PRUNE2: variants seen among roughly 807,000 people sequenced by gnomAD.
The protein encoded by PRUNE2 is prune homolog 2 with BCH domain.
PRUNE2 carries 164 observed loss-of-function variants against 252.0 expected under a neutral mutation model. The ratio of observed to expected loss-of-function variants is 0.65; its 90% CI spans 0.57 to 0.74. PRUNE2 has a LOEUF of 0.74. PRUNE2 is among the 30% of genes least tolerant of loss of function. The pLI is 0.00. For missense variants in PRUNE2, 3,495 were observed against 3,711.0 expected (o/e 0.94, Z 1.51); for synonymous variants, 1,292 against 1,350.2 (o/e 0.96, Z 0.94).
intron 9 of PRUNE2, among the ~76,000 whole-genome samples, chr9:76,693,666 A>T (rs1378195883): frequency 2.0e-5 from 3 of 151,064 alleles, no homozygotes; most frequent in Non-Finnish European, 3.0e-5. Flanking sequence ...CTGGTCTTGA[A>T]CTCCTGACCT....
At chr9:76,871,427 T>C (rs1288060098) in intron 1 of PRUNE2, among the ~76,000 whole-genome samples, 1 of 152,328 alleles carries the variant, frequency 6.6e-6, no homozygotes, top group East Asian at 1.9e-4. Context: ...GATTTTGGTA[T>C]CCAGGGAGGG....
intron 9 of PRUNE2, chr9:76,692,460 TC>T: frequency 3.6e-6 from 1 of 278,864 alleles, no homozygotes; most frequent in Non-Finnish European, 6.6e-6. Flanking sequence ...TCTTGAAACC[TC>T]TTTTTAAAAA....
chr9:76,639,713 T>C (rs186533596), intron 12 of PRUNE2, among the ~76,000 whole-genome samples: 25 of 152,292 alleles, frequency 1.6e-4, no homozygotes. Context: ...TCTGTACTTT[T>C]GGGAAAACTT....
chr9:76,899,636 G>A (rs7043977), intron 1 of PRUNE2, among the ~76,000 whole-genome samples: 4 of 151,984 alleles, frequency 2.6e-5, no homozygotes, highest in Admixed American at 1.3e-4. Flanking sequence ...CACCAGAACC[G>A]GGAGATACAA....
intron 6 of PRUNE2, among the ~76,000 whole-genome samples, chr9:76,814,520 T>C (rs2057556155): frequency 6.6e-6 from 1 of 152,172 alleles, no homozygotes; most frequent in South Asian, 2.1e-4. Context: ...CTATGAGAGA[T>C]AATGATATGT....
chr9:76,715,939 G>A (rs2047111653), intron 6 of PRUNE2, among the ~76,000 whole-genome samples: 2 of 152,024 alleles, frequency 1.3e-5, no homozygotes, highest in Non-Finnish European at 2.9e-5. Flanking sequence ...GTAACTGAAG[G>A]CTTCAGCACA....
At chr9:76,842,800 G>A (rs915142546) in intron 4 of PRUNE2, among the ~76,000 whole-genome samples, 2 of 152,178 alleles carry the variant, frequency 1.3e-5, no homozygotes, top group African/African-American at 4.8e-5. Context: ...CAGTTAGAAT[G>A]GCAATCATTA....
intron 18 of PRUNE2, among the ~76,000 whole-genome samples, chr9:76,615,577 C>T (rs1829054839): frequency 1.3e-5 from 2 of 152,094 alleles, no homozygotes; most frequent in African/African-American, 4.8e-5. Context: ...GGGGACTTGG[C>T]CAAGTCACCC....
chr9:76,861,786 A>ATT (rs141659920), intron 1 of PRUNE2, among the ~76,000 whole-genome samples: 267 of 137,178 alleles, frequency 1.9e-3, no homozygotes, highest in African/African-American at 6.3e-3. Flanking sequence ...TATTTACAGC[A>ATT]TTTTTTTTTT....
intron 9 of PRUNE2, among the ~76,000 whole-genome samples, chr9:76,673,629 G>C (rs893109633): frequency 2.7e-5 from 4 of 150,204 alleles, no homozygotes; most frequent in African/African-American, 9.8e-5. Flanking sequence ...CAATATCTTT[G>C]ATGAACATTG....
rs148936695 is a variant in PRUNE2 at position 76,724,529 on chromosome 9, C to T, written c.757-10808G>A. The stretch of plus-strand genomic sequence containing the variant: ...AAATGAAGTGGGCTGATTTCAGGCA[C>T]ACCTCAAATAAGGGAGTTAAAATTC... On this transcript the variant is annotated intron_variant, in intron 6 of 18. Transcript: ENST00000376718. 2.5e-3 allele frequency among the ~76,000 whole-genome samples: 378 copies of T among 152,120 alleles called. 3 individuals carry two copies. The highest frequency in any genetic ancestry group is 0.014 in the Middle Eastern group (4 of 292).
At chr9:76,892,360 T>C (rs185597342) in intron 1 of PRUNE2, among the ~76,000 whole-genome samples, 19 of 152,332 alleles carry the variant, frequency 1.2e-4, no homozygotes, top group Non-Finnish European at 1.5e-5. Context: ...CACCCAGAAG[T>C]CAATTTAAAA....
At chr9:76,660,416 TAGAAATGAATCA>T (rs1190656179) in intron 9 of PRUNE2, among the ~76,000 whole-genome samples, 1 of 152,140 alleles carries the variant, frequency 6.6e-6, no homozygotes, top group Admixed American at 6.6e-5. Context: ...CTGAATGATG[TAGAAATGAATCA>T]AGAAATTAAG....
intron 6 of PRUNE2, among the ~76,000 whole-genome samples, chr9:76,811,539 C>T (rs754143123): frequency 6.6e-6 from 1 of 152,112 alleles, no homozygotes; most frequent in Non-Finnish European, 1.5e-5. Flanking sequence ...CTGCCAGTGT[C>T]GTGGAGCTTG....
chr9:76,805,413 G>T (rs114922594), intron 6 of PRUNE2, among the ~76,000 whole-genome samples: 1 of 152,232 alleles, frequency 6.6e-6, no homozygotes, highest in African/African-American at 2.4e-5. Context: ...TTGAGGTCAG[G>T]AGTTCAACAG....
chr9:76,698,742 CA>C (rs1385084715), intron 9 of PRUNE2, among the ~76,000 whole-genome samples: 1 of 152,102 alleles, frequency 6.6e-6, no homozygotes, highest in Non-Finnish European at 1.5e-5. Context: ...TCACGAAAAA[CA>C]AAAAGATCTC....
At chr9:76,704,630 T>C in intron 8 of PRUNE2, 131 bp downstream of exon 8, 1 of 655,230 alleles carries the variant, frequency 1.5e-6, no homozygotes, top group South Asian at 2.0e-5. Flanking sequence ...CAGGACTTAG[T>C]GAGGCATGCC....
chr9:76,636,409 A>G (rs1367561883), intron 15 of PRUNE2, 62 bp downstream of exon 15: 2 of 853,388 alleles, frequency 2.3e-6, no homozygotes. Context: ...TTTTAGGACA[A>G]TGAGTACATA....
intron 11 of PRUNE2, among the ~76,000 whole-genome samples, chr9:76,649,568 A>G (rs889943157): frequency 1.3e-5 from 2 of 151,986 alleles, no homozygotes; most frequent in Admixed American, 6.6e-5. Context: ...CCTAGGTGAC[A>G]TAGTGAGGGC....
Sources: gnomAD v4.1 joint callset for allele counts (sites outside exome capture counted in the v4.1 genomes callset) on GRCh38, gnomAD v4.1.1 for gene constraint, MANE v1.5 for transcripts, NCBI Gene and HGNC (gene_info 2026-07-23, HGNC 2026-07-21) for gene names.